The following SNAP23 variants were observed in gnomAD, a reference collection of about 807,000 sequenced individuals.
SNAP23 encodes synaptosome associated protein 23, also known as synaptosomal-associated protein 23.
Under a neutral mutation model 29.0 loss-of-function variants are expected in SNAP23, and 11 were observed. That is an observed-to-expected ratio of 0.38 (90% CI 0.24 to 0.63). SNAP23 has a LOEUF of 0.63. Among genes scored for constraint, SNAP23 ranks in the 20% least tolerant of loss-of-function variants. SNAP23 has a pLI of 0.58. For synonymous variants in SNAP23, 60 were observed against 82.9 expected (o/e 0.72, Z 1.50); for missense variants, 220 against 253.9 (o/e 0.87, Z 0.91).
chr15:42,517,606 G>A (rs2057408015), intron 5 of SNAP23, among the ~76,000 whole-genome samples: 1 of 152,182 alleles, frequency 6.6e-6, no homozygotes, highest in Non-Finnish European at 1.5e-5. Context: ...GCCAAGCATA[G>A]GCAAGCTTTT....
chr15:42,492,724 G>T (rs1039934452), upstream of SNAP23: 1 of 151,022 alleles, frequency 6.6e-6, no homozygotes, highest in Non-Finnish European at 1.5e-5. Flanking sequence ...AAAGGAAGCG[G>T]CTATATTAAC....
chr15:42,492,926 A>G (rs1198920732), upstream of SNAP23: 1 of 152,240 alleles, frequency 6.6e-6, no homozygotes, highest in African/African-American at 2.4e-5. Context: ...AAGCCTGTAG[A>G]AGACCACAGT....
intron 6 of SNAP23, among the ~76,000 whole-genome samples, chr15:42,529,331 GT>G (rs530437135): frequency 1.9e-4 from 29 of 152,286 alleles, no homozygotes; most frequent in African/African-American, 7.0e-4. Flanking sequence ...TAAACCGTAG[GT>G]TTCTGGGATG....
At chr15:42,497,630 A>G (rs2057233183) in intron 1 of SNAP23, among the ~76,000 whole-genome samples, 1 of 152,122 alleles carries the variant, frequency 6.6e-6, no homozygotes, top group Admixed American at 6.6e-5. Flanking sequence ...GGCATGAGCC[A>G]CCACGCCCAG....
intron 5 of SNAP23, among the ~76,000 whole-genome samples, chr15:42,522,969 C>T (rs1327505707): frequency 1.3e-5 from 2 of 150,420 alleles, no homozygotes; most frequent in Admixed American, 6.7e-5. Context: ...CTCAGCCTCA[C>T]GAGTAACTGG....
At chr15:42,506,245 C>T (rs2057316430) in intron 1 of SNAP23, among the ~76,000 whole-genome samples, 1 of 151,164 alleles carries the variant, frequency 6.6e-6, no homozygotes. Context: ...GTGACCGGCC[C>T]ATTTCTTTTC....
At chr15:42,503,589 C>T (rs915194198) in intron 1 of SNAP23, among the ~76,000 whole-genome samples, 1 of 152,086 alleles carries the variant, frequency 6.6e-6, no homozygotes, top group Non-Finnish European at 1.5e-5. Context: ...AGGCTGGTCT[C>T]GAACCCATGA....
chr15:42,528,464 T>A, intron 6 of SNAP23, 44 bp downstream of exon 6: 2 of 1,577,662 alleles, frequency 1.3e-6, no homozygotes, highest in Non-Finnish European at 1.7e-6. Context: ...TCTTAATGAA[T>A]GGTTCACTTA....
intron 4 of SNAP23, 144 bp from the exon 5 acceptor site, chr15:42,515,093 T>G (rs2057387878): frequency 1.6e-6 from 1 of 618,778 alleles, no homozygotes; most frequent in Non-Finnish European, 2.9e-6. Context: ...TTGAATCGCT[T>G]CTAATACCTT....
chr15:42,504,369 TA>T (rs1247449078), intron 1 of SNAP23, among the ~76,000 whole-genome samples: 3 of 151,858 alleles, frequency 2.0e-5, no homozygotes, highest in East Asian at 3.9e-4. Context: ...TAAAATAAAA[TA>T]AAAAGTGAGA....
intron 1 of SNAP23, among the ~76,000 whole-genome samples, chr15:42,510,295 C>A (rs1014353042): frequency 6.6e-6 from 1 of 151,970 alleles, no homozygotes; most frequent in Non-Finnish European, 1.5e-5. Context: ...GCCACCATGC[C>A]TGGCTAATTT....
intron 7 of SNAP23, among the ~76,000 whole-genome samples, chr15:42,530,034 T>C (rs906434205): frequency 6.6e-6 from 1 of 152,226 alleles, no homozygotes; most frequent in Non-Finnish European, 1.5e-5. Flanking sequence ...TTTTGGAATA[T>C]AGTAGTTTTA....
At chr15:42,523,097 T>C (rs187503066) in intron 5 of SNAP23, among the ~76,000 whole-genome samples, 1 of 151,930 alleles carries the variant, frequency 6.6e-6, no homozygotes, top group Non-Finnish European at 1.5e-5. Flanking sequence ...TCACCCGCCT[T>C]GGCCTCCCAA....
chr15:42,528,152 GCTT>G, intron 5 of SNAP23, 107 bp from the exon 6 acceptor site: 10 of 669,978 alleles, frequency 1.5e-5, no homozygotes, highest in Non-Finnish European at 1.9e-5. Flanking sequence ...GCTGTATGCA[GCTT>G]TTCTACTAGA....
chr15:42,525,451 CTTTTTTTTTTTTTTTTT>C (rs1158969519), intron 5 of SNAP23, among the ~76,000 whole-genome samples: 14 of 47,194 alleles, frequency 3.0e-4, no homozygotes, highest in Non-Finnish European at 5.0e-4. Flanking sequence ...ATCCAGTCTT[CTTTTTTTTTTTTTTTTT>C]TTTTTTTTTT....
intron 7 of SNAP23, 56 bp downstream of exon 7, chr15:42,529,875 A>C: frequency 6.3e-7 from 1 of 1,576,910 alleles, no homozygotes; most frequent in East Asian, 2.2e-5. Flanking sequence ...TGTTTCAGTA[A>C]TAGACATCTG....
At chr15:42,530,507 C>G (rs983046444) in intron 7 of SNAP23, among the ~76,000 whole-genome samples, 6 of 152,190 alleles carry the variant, frequency 3.9e-5, no homozygotes, top group African/African-American at 1.4e-4. Flanking sequence ...CACCTGTAAT[C>G]TCAACACTTT....
At chr15:42,518,955 T>A (rs1049277628) in intron 5 of SNAP23, among the ~76,000 whole-genome samples, 1 of 151,992 alleles carries the variant, frequency 6.6e-6, no homozygotes, top group African/African-American at 2.4e-5. Context: ...CTCGACCTCC[T>A]AGGTTCAAGT....
intron 5 of SNAP23, among the ~76,000 whole-genome samples, chr15:42,518,072 G>A (rs1194916962): frequency 6.6e-6 from 1 of 151,856 alleles, no homozygotes; most frequent in Non-Finnish European, 1.5e-5. Flanking sequence ...AGGGGCTGCT[G>A]TAACAAAACA....
Sources: allele counts gnomAD v4.1 joint callset (sites outside exome capture counted in the v4.1 genomes callset), GRCh38; gene constraint gnomAD v4.1.1; transcripts MANE v1.5; gene names NCBI Gene and HGNC (gene_info 2026-07-23, HGNC 2026-07-21).